ARHGAP26: variants seen among roughly 807,000 people sequenced by gnomAD.
ARHGAP26 encodes the protein Rho GTPase activating protein 26.
A neutral mutation model predicts 104.8 loss-of-function variants in ARHGAP26; 38 were observed. The observed-to-expected ratio is 0.36, with a 90% CI of 0.28 to 0.48. The LOEUF (loss-of-function observed/expected upper bound fraction) is 0.48, where lower values mean the gene tolerates loss of function less well. Ranked by LOEUF, ARHGAP26 falls within the 20% of genes least tolerant of loss-of-function variation. ARHGAP26 has a pLI of 0.99. For missense variants in ARHGAP26, 704 were observed against 947.9 expected (o/e 0.74, Z 3.38); for synonymous variants, 341 against 340.0 (o/e 1.00, Z -0.03).
intron 5 of ARHGAP26, among the ~76,000 whole-genome samples, chr5:142,889,564 G>C (rs1018313145): frequency 6.6e-6 from 1 of 152,062 alleles, no homozygotes; most frequent in Non-Finnish European, 1.5e-5. Flanking sequence ...TTTGCAGTGA[G>C]CTGAGATCAT....
At position 142,890,569 on chromosome 5, in the gene ARHGAP26, G is replaced by A. The variant is rs144818872; in HGVS notation, c.487-3669G>A. 3.0e-3 allele frequency among the ~76,000 whole-genome samples: 449 copies of A among 152,086 alleles called. 8 individuals carry two copies. In the East Asian group the frequency reaches 0.048, roughly 16 times the overall value. ...TTTAGATTTTAAGGAAGATATTCTGGCTCCTGTGTGCAGAGTGGATTGGGG... is the reference window on the plus strand; with the variant it reads ...TTTAGATTTTAAGGAAGATATTCTGACTCCTGTGTGCAGAGTGGATTGGGG... On this transcript the variant is annotated intron_variant, in intron 5 of 22. Coordinates refer to ENST00000645722, the MANE Select transcript of ARHGAP26 (RefSeq NM_001135608.3).
intron 1 of ARHGAP26, among the ~76,000 whole-genome samples, chr5:142,814,885 C>T (rs905318235): frequency 2.0e-5 from 3 of 152,160 alleles, no homozygotes; most frequent in African/African-American, 7.2e-5. Flanking sequence ...AGTTATTAGC[C>T]AGTTATTAGC....
At chr5:143,117,534 ACT>A (rs1223854673) in intron 17 of ARHGAP26, among the ~76,000 whole-genome samples, 1 of 152,030 alleles carries the variant, frequency 6.6e-6, no homozygotes, top group African/African-American at 2.4e-5. Context: ...GAAAGGTGTA[ACT>A]CTTCCCACCC....
At chr5:142,815,757 C>T (rs970620304) in intron 1 of ARHGAP26, among the ~76,000 whole-genome samples, 4 of 152,108 alleles carry the variant, frequency 2.6e-5, no homozygotes, top group Non-Finnish European at 4.4e-5. Flanking sequence ...TCACTTTCCC[C>T]GGCTAGCCTT....
chr5:143,226,298 G>A lies in ARHGAP26; in HGVS notation c.*3852G>A, dbSNP rs568783103. ...AGATTGAGACCATCCTGGCTACGAC[G>A]GTGAAACCCCGTCTCTACTAAAAAT... On this transcript the variant is annotated 3_prime_UTR_variant, in exon 23 of 23. Transcript: ENST00000645722. 3 of 175,982 alleles carry A rather than the reference G, an allele frequency of 1.7e-5. No individual in the cohort carries two copies. Among genetic ancestry groups the A allele is most frequent in the Admixed American group, 1.3e-4 (2 of 15,796 alleles). 10.9% of individuals were successfully genotyped at this position (175,982 alleles called of 1,614,324 possible). A position where few individuals can be genotyped will look rare whatever the true frequency, so the allele number is the denominator to read the frequency against.
At chr5:143,054,737 G>A (rs1258258809) in intron 15 of ARHGAP26, among the ~76,000 whole-genome samples, 1 of 152,220 alleles carries the variant, frequency 6.6e-6, no homozygotes, top group Non-Finnish European at 1.5e-5. Flanking sequence ...CACCCTGAGT[G>A]ATTTAGGAAA....
At chr5:142,961,888 A>T (rs1770314478) in intron 11 of ARHGAP26, among the ~76,000 whole-genome samples, 1 of 151,922 alleles carries the variant, frequency 6.6e-6, no homozygotes, top group South Asian at 2.1e-4. Context: ...TCTCTTTTAA[A>T]TTTGTTATTT....
chr5:143,050,895 G>A (rs1361459209), intron 14 of ARHGAP26, among the ~76,000 whole-genome samples: 3 of 152,152 alleles, frequency 2.0e-5, no homozygotes, highest in Non-Finnish European at 4.4e-5. Flanking sequence ...CTCTGCTCCA[G>A]CCACCATCAC....
chr5:142,980,089 C>G (rs911378147), intron 11 of ARHGAP26, among the ~76,000 whole-genome samples: 7 of 152,230 alleles, frequency 4.6e-5, no homozygotes, highest in African/African-American at 1.7e-4. Context: ...AACCACTCTT[C>G]TGACTTATAT....
intron 11 of ARHGAP26, among the ~76,000 whole-genome samples, chr5:142,979,634 C>CAA (rs1335918004): frequency 6.6e-6 from 1 of 152,232 alleles, no homozygotes; most frequent in South Asian, 2.1e-4. Context: ...CTTCCATACA[C>CAA]AATCAAGGAA....
At chr5:142,903,784 C>T (rs1760709527) in intron 8 of ARHGAP26, 115 bp downstream of exon 8, 1 of 1,099,084 alleles carries the variant, frequency 9.1e-7, no homozygotes, top group Non-Finnish European at 1.3e-6. Context: ...ATAACAAGAA[C>T]AATTTTATAG....
chr5:143,012,554 T>TACATAA (rs1369935500), intron 11 of ARHGAP26, among the ~76,000 whole-genome samples: 1 of 66,168 alleles, frequency 1.5e-5, no homozygotes, highest in African/African-American at 4.2e-5. Flanking sequence ...CATACATACA[T>TACATAA]ATATATATAT....
chr5:143,083,055 G>A (rs1460126228), intron 17 of ARHGAP26, among the ~76,000 whole-genome samples: 4 of 152,168 alleles, frequency 2.6e-5, no homozygotes, highest in East Asian at 1.9e-4. Context: ...AATCTCAGCC[G>A]AGTATAATAC....
At chr5:143,035,955 A>G (rs1469237311) in intron 12 of ARHGAP26, among the ~76,000 whole-genome samples, 1 of 151,352 alleles carries the variant, frequency 6.6e-6, no homozygotes, top group Non-Finnish European at 1.5e-5. Flanking sequence ...AAAAAAAAAA[A>G]AAAGAAGAAC....
At chr5:143,097,851 C>T (rs1041670087) in intron 17 of ARHGAP26, among the ~76,000 whole-genome samples, 7 of 151,242 alleles carry the variant, frequency 4.6e-5, no homozygotes, top group African/African-American at 7.3e-5. Context: ...AATTACCCCA[C>T]GCAACCTACT....
intron 4 of ARHGAP26, 57 bp downstream of exon 4, chr5:142,879,502 G>A: frequency 1.4e-6 from 2 of 1,439,728 alleles, no homozygotes; most frequent in East Asian, 2.3e-5. Flanking sequence ...GGAAAACATA[G>A]CACCTTTCTT....
chr5:143,184,262 T>C (rs1804819753), intron 20 of ARHGAP26, among the ~76,000 whole-genome samples: 1 of 152,216 alleles, frequency 6.6e-6, no homozygotes, highest in African/African-American at 2.4e-5. Context: ...ATGCCTCTTT[T>C]GGACTAGCTG....
At chr5:143,009,662 T>C (rs1201469668) in intron 11 of ARHGAP26, among the ~76,000 whole-genome samples, 2 of 152,264 alleles carry the variant, frequency 1.3e-5, no homozygotes, top group African/African-American at 4.8e-5. Context: ...TAAACACATG[T>C]AATTTCTCTT....
intron 10 of ARHGAP26, among the ~76,000 whole-genome samples, chr5:142,915,225 C>G (rs949527274): frequency 1.3e-4 from 19 of 151,978 alleles, no homozygotes; most frequent in African/African-American, 4.6e-4. Context: ...AAGCAAAGAG[C>G]GAATGTGTCA....
Sources: allele counts gnomAD v4.1 joint callset (sites outside exome capture counted in the v4.1 genomes callset), GRCh38; gene constraint gnomAD v4.1.1; transcripts MANE v1.5; gene names NCBI Gene and HGNC (gene_info 2026-07-23, HGNC 2026-07-21).